TLE2: variants seen among roughly 807,000 people sequenced by gnomAD.
TLE2 encodes the protein transducin-like enhancer protein 2.
A neutral mutation model predicts 97.2 loss-of-function variants in TLE2; 74 were observed. The observed-to-expected ratio is 0.76, with a 90% confidence interval of 0.63 to 0.92. The LOEUF is 0.92. TLE2 is among the 40% of genes least tolerant of loss of function. The pLI is 0.00. For synonymous variants in TLE2, 499 were observed against 432.1 expected (o/e 1.15, Z -1.92); for missense variants, 1,038 against 1,008.7 (o/e 1.03, Z -0.39).
upstream of TLE2, among the ~76,000 whole-genome samples, chr19:3,030,909 T>C (rs116372368): frequency 0.016 from 2,289 of 142,854 alleles, 60 homozygotes; most frequent in African/African-American, 0.057. Flanking sequence ...TGAGATCACA[T>C]CACTGCACTC....
intron 8 of TLE2, among the ~76,000 whole-genome samples, chr19:3,016,061 C>T (rs1423615061): frequency 6.6e-6 from 1 of 151,988 alleles, no homozygotes; most frequent in Non-Finnish European, 1.5e-5. Context: ...CTCAGCCTCC[C>T]CAGTAGCTGG....
Position 3,014,606 on chromosome 19 carries a change from G to A in TLE2, c.687C>T (p.Asp229=), listed in dbSNP as rs199943730. The part of the protein sequence containing the change: ...EKEPSGPYES[D]EDKSDYNLVV... ...CCAGATTGTAATCACTCTTGTCTTCGTCGCTTTCCTGGGGGAAGATGGGGG... is the reference window on the plus strand; with the variant it reads ...CCAGATTGTAATCACTCTTGTCTTCATCGCTTTCCTGGGGGAAGATGGGGG... The change falls in exon 10 of 20, where the codon GAC becomes GAT. Residue 229 remains aspartate, a synonymous_variant. Coordinates refer to ENST00000262953, the MANE Select transcript of TLE2 (RefSeq NM_003260.5). The A allele has an allele frequency of 1.2e-4, 187 of 1,589,628 alleles. No individual in the cohort carries two copies. In the African/African-American group the frequency reaches 1.8e-3, roughly 15 times the overall value.
upstream of TLE2, among the ~76,000 whole-genome samples, chr19:3,032,222 A>G (rs1167316839): frequency 6.8e-6 from 1 of 147,592 alleles, no homozygotes; most frequent in Non-Finnish European, 1.5e-5. This position sits in a 1 kb window ranked among gnomAD's most constrained non-coding sequence, Gnocchi z 4.1. Flanking sequence ...GTGAGCTACC[A>G]TGCCTGGCCT....
At position 2,997,831 on chromosome 19, in the gene TLE2, G is replaced by C; in HGVS notation, c.*17C>G. 1 of 1,576,134 alleles carries C rather than the reference G, an allele frequency of 6.3e-7. No homozygotes were observed. The highest frequency in any genetic ancestry group is 8.7e-7 in the Non-Finnish European group (1 of 1,153,434). On this transcript the variant is annotated 3_prime_UTR_variant, in exon 20 of 20. Transcript: ENST00000262953. The stretch of plus-strand genomic sequence containing the variant: ...CCTGGGAGTCTGGACTTCGGGTACA[G>C]GAAGGGGGGTCATGTCTCAGTAGAC...
chr19:3,015,599 A>T, intron 9 of TLE2, 54 bp downstream of exon 9: 1 of 1,444,624 alleles, frequency 6.9e-7, no homozygotes, highest in Non-Finnish European at 9.5e-7. Context: ...CTGAGGGGCC[A>T]GGCTGGTCTG....
In TLE2 at chr19:3,000,221, A is replaced by G. The variant is rs775104931; in HGVS notation, c.2124+426T>C. Reference sequence around the variant, plus strand: ...CGAGTAGCTGGGACTACAGGCGCCCACCACCACGCCTGGCTAATTTTTTTG... The same window carrying G: ...CGAGTAGCTGGGACTACAGGCGCCCGCCACCACGCCTGGCTAATTTTTTTG... On this transcript the variant is annotated intron_variant, in intron 19 of 19. Coordinates refer to ENST00000262953, the MANE Select transcript of TLE2 (RefSeq NM_003260.5). Among the ~76,000 whole-genome samples the G allele has an allele frequency of 1.5e-3, 227 of 150,316 alleles. 1 individual carries two copies. Among genetic ancestry groups the G allele is most frequent in the Middle Eastern group, 3.4e-3 (1 of 290 alleles).
intron 7 of TLE2, among the ~76,000 whole-genome samples, chr19:3,018,545 G>A (rs545868660): frequency 3.1e-4 from 47 of 152,030 alleles, no homozygotes; most frequent in African/African-American, 8.7e-4. Flanking sequence ...TGCCCGCCTC[G>A]GTCTCCCAGA....
At chr19:3,041,013 A>ATATATATATATT (rs1555695656) in intron 1 of TLE2, among the ~76,000 whole-genome samples, 13 of 28,978 alleles carry the variant, frequency 4.5e-4, no homozygotes, top group Middle Eastern at 0.033. Flanking sequence ...ATATATATAT[A>ATATATATATATT]TTTTTTTTTT....
At chr19:3,034,921 G>T (rs1002396640) in intron 1 of TLE2, among the ~76,000 whole-genome samples, 3 of 152,170 alleles carry the variant, frequency 2.0e-5, no homozygotes, top group Admixed American at 6.5e-5. Context: ...GCGAGCTAAG[G>T]ATGAAGGCAG....
intron 18 of TLE2, among the ~76,000 whole-genome samples, chr19:3,001,658 G>A (rs1460628532): frequency 1.3e-5 from 2 of 151,620 alleles, no homozygotes; most frequent in Admixed American, 6.6e-5. Context: ...TAATTTTTTT[G>A]TAGAGAAAGT....
chr19:3,017,063 A>G (rs2089723303), intron 8 of TLE2, among the ~76,000 whole-genome samples: 1 of 115,076 alleles, frequency 8.7e-6, no homozygotes, highest in African/African-American at 5.2e-5. Context: ...TAAACACTAC[A>G]GCCTTCTGGG....
chr19:3,009,800 AT>A, intron 12 of TLE2, 98 bp from the exon 13 acceptor site: 1 of 1,452,404 alleles, frequency 6.9e-7, no homozygotes, highest in East Asian at 2.5e-5. Flanking sequence ...TAGAGTTTCC[AT>A]GTGCTGGTTC....
chr19:3,024,895 G>T, intron 5 of TLE2, 125 bp downstream of exon 5: 2 of 790,610 alleles, frequency 2.5e-6, no homozygotes, highest in Non-Finnish European at 4.0e-6. Flanking sequence ...CAGTGAAAAT[G>T]GTCTCTATCC....
At chr19:3,027,992 A>G (rs574581049) in intron 3 of TLE2, 119 bp from the exon 4 acceptor site, 3 of 1,015,010 alleles carry the variant, frequency 3.0e-6, no homozygotes, top group African/African-American at 1.6e-5. Context: ...CAGGAAGCAG[A>G]GCCCCCCCCA....
intron 1 of TLE2, among the ~76,000 whole-genome samples, chr19:3,037,296 CA>C (rs1264551072): frequency 2.7e-4 from 41 of 152,164 alleles, no homozygotes; most frequent in Admixed American, 6.5e-5. Flanking sequence ...AAAACAAAAA[CA>C]AAAACAAAAC....
chr19:3,039,714 G>A (rs2090086490), intron 1 of TLE2, among the ~76,000 whole-genome samples: 1 of 152,160 alleles, frequency 6.6e-6, no homozygotes, highest in Admixed American at 6.5e-5. Flanking sequence ...AGCCCATAGA[G>A]GGATAGAGCC....
At chr19:3,024,995 T>TCCC in intron 5 of TLE2, 25 bp downstream of exon 5, 4 of 790,216 alleles carry the variant, frequency 5.1e-6, no homozygotes, top group Admixed American at 4.5e-5. Context: ...CTTCCCCTCC[T>TCCC]CCCCCCACCC....
rs143713547 is a variant in TLE2, at chr19:3,000,657, C to T, written c.2114G>A (p.Ser705Asn). ...CAGACCGCCGAGTACCTGGAAAATG[C>T]TGGCCCCGTACGGCGTCCTCCAGGC... ...LNAWRTPYGA[S>N]IFQSKESSSV... is the part of the protein sequence containing the mutation. Residue 705 changes from serine to asparagine, a missense_variant, in exon 19 of 20, where the codon AGC becomes AAC. By Grantham distance (46) the Ser-to-Asn change is conservative (BLOSUM62 1). Coordinates refer to ENST00000262953, the MANE Select transcript of TLE2 (RefSeq NM_003260.5). 7,779 of 1,587,666 alleles carry T rather than the reference C, an allele frequency of 4.9e-3. 45 individuals carry two copies. Among genetic ancestry groups the T allele is most frequent in the Middle Eastern group, 0.035 (207 of 5,934 alleles).
At chr19:3,016,998 G>A (rs1038478527) in intron 8 of TLE2, among the ~76,000 whole-genome samples, 1 of 127,878 alleles carries the variant, frequency 7.8e-6, no homozygotes, top group Non-Finnish European at 1.6e-5. Context: ...AGCTGGTCTC[G>A]AACTCCTGAC....
Sources: allele counts gnomAD v4.1 joint callset (sites outside exome capture counted in the v4.1 genomes callset), GRCh38; gene constraint gnomAD v4.1.1; non-coding constraint Gnocchi (gnomAD v3.1); transcripts MANE v1.5; gene names NCBI Gene and HGNC (gene_info 2026-07-23, HGNC 2026-07-21).